CSNK1G1: variants seen among roughly 807,000 people sequenced by gnomAD.
CSNK1G1 encodes the protein casein kinase 1 gamma 1.
CSNK1G1 carries 22 observed loss-of-function variants against 59.6 expected under a neutral mutation model. The observed-to-expected ratio is 0.37, with a 90% CI of 0.26 to 0.53. The LOEUF is 0.53. Ranked by LOEUF, CSNK1G1 falls within the 20% of genes least tolerant of loss-of-function variation. The pLI is 0.89. For missense variants in CSNK1G1, 384 were observed against 519.5 expected (o/e 0.74, Z 2.54); for synonymous variants, 179 against 177.1 (o/e 1.01, Z -0.08).
chr15:64,299,248 C>T (rs961659308), intron 2 of CSNK1G1, among the ~76,000 whole-genome samples: 1 of 152,066 alleles, frequency 6.6e-6, no homozygotes, highest in African/African-American at 2.4e-5. Context: ...TATATTTATA[C>T]GGCCTTTTAT....
intron 1 of CSNK1G1, among the ~76,000 whole-genome samples, chr15:64,310,668 G>A (rs922543977): frequency 6.6e-6 from 1 of 152,002 alleles, no homozygotes; most frequent in African/African-American, 2.4e-5. Context: ...AGTGAGCTAT[G>A]ATTGTGCTAC....
At position 64,281,131 on chromosome 15, in the gene CSNK1G1, G is replaced by A. The variant is rs569532252; in HGVS notation, c.181+19188C>T. ...CCTGACCTCATGATCCGCCTGCCTC[G>A]GCGTCCCAAAGTGCTAGGATTACAG... On this transcript the variant is annotated intron_variant, in intron 2 of 11. Transcript: ENST00000303052. Among the ~76,000 whole-genome samples the A allele has an allele frequency of 1.6e-3, 237 of 152,226 alleles. 1 individual carries two copies. The highest frequency in any genetic ancestry group is 5.3e-3 in the African/African-American group (222 of 41,540).
chr15:64,249,576 A>C (rs1891959637), intron 4 of CSNK1G1, among the ~76,000 whole-genome samples: 1 of 152,214 alleles, frequency 6.6e-6, no homozygotes, highest in Non-Finnish European at 1.5e-5. Flanking sequence ...CCTGACTATG[A>C]GTCAACAGTT....
In CSNK1G1 at chr15:64,188,874, T is replaced by C. The variant is rs960407237; in HGVS notation, c.1108-8420A>G. On this transcript the variant is annotated intron_variant, in intron 10 of 11. Transcript: ENST00000303052. The surrounding 1 kb of genome is among the most constrained non-coding windows in gnomAD (Gnocchi z 4.2). The stretch of plus-strand genomic sequence containing the variant: ...TCGGAGTGGTGGCATACGCCTATAA[T>C]CTCAGCACTTTGGGAGGCCAAGGTG... Among the ~76,000 whole-genome samples, 3 of 152,170 alleles carry C rather than the reference T, an allele frequency of 2.0e-5. No homozygotes were observed. The highest frequency in any genetic ancestry group is 7.2e-5 in the African/African-American group (3 of 41,454).
intron 2 of CSNK1G1, among the ~76,000 whole-genome samples, chr15:64,282,883 T>C (rs1036932807): frequency 1.3e-5 from 2 of 152,214 alleles, no homozygotes; most frequent in South Asian, 4.1e-4. Flanking sequence ...TTGATATGCA[T>C]TTCCCCAATG....
At chr15:64,290,369 G>A (rs755584026) in intron 2 of CSNK1G1, among the ~76,000 whole-genome samples, 10 of 151,566 alleles carry the variant, frequency 6.6e-5, no homozygotes, top group Non-Finnish European at 1.2e-4. Context: ...CACACAGGCA[G>A]ACAGGCAATG....
chr15:64,314,072 A>G (rs1896140406), intron 1 of CSNK1G1, among the ~76,000 whole-genome samples: 1 of 152,134 alleles, frequency 6.6e-6, no homozygotes, highest in South Asian at 2.1e-4. Context: ...GATCTGCTAA[A>G]CTAAGGATTA....
chr15:64,215,204 C>CTTTTT (rs11343127), intron 5 of CSNK1G1, among the ~76,000 whole-genome samples: 2 of 81,726 alleles, frequency 2.4e-5, no homozygotes, highest in African/African-American at 5.8e-5. Flanking sequence ...TTTCTACTAA[C>CTTTTT]TTTTTTTTTT....
chr15:64,198,605 C>T (rs1196831146), intron 10 of CSNK1G1, among the ~76,000 whole-genome samples: 1 of 151,948 alleles, frequency 6.6e-6, no homozygotes, highest in African/African-American at 2.4e-5. Flanking sequence ...ACCTGTCAAT[C>T]TCGCTCAAGG....
chr15:64,335,293 T>G (rs1232914186), intron 1 of CSNK1G1, among the ~76,000 whole-genome samples: 1 of 152,024 alleles, frequency 6.6e-6, no homozygotes, highest in Non-Finnish European at 1.5e-5. Flanking sequence ...TCAAGGAAAA[T>G]AAATAATAAA....
At chr15:64,289,518 C>T (rs1894619368) in intron 2 of CSNK1G1, among the ~76,000 whole-genome samples, 1 of 152,068 alleles carries the variant, frequency 6.6e-6, no homozygotes, top group South Asian at 2.1e-4. Context: ...AAACAAGAAT[C>T]TCATATACAT....
chr15:64,205,055 G>T, intron 7 of CSNK1G1, 106 bp from the exon 8 acceptor site: 1 of 620,310 alleles, frequency 1.6e-6, no homozygotes, highest in South Asian at 2.3e-5. Context: ...CGCAGTATTT[G>T]TTGGTCTTGA....
At chr15:64,250,997 T>C (rs1892048784) in intron 4 of CSNK1G1, among the ~76,000 whole-genome samples, 1 of 152,176 alleles carries the variant, frequency 6.6e-6, no homozygotes, top group African/African-American at 2.4e-5. Flanking sequence ...TTTTTTACAG[T>C]GATTAACTTA....
At chr15:64,243,753 C>T (rs1891600361) in intron 4 of CSNK1G1, among the ~76,000 whole-genome samples, 2 of 152,248 alleles carry the variant, frequency 1.3e-5, no homozygotes, top group South Asian at 2.1e-4. Flanking sequence ...GCCTGTAGTC[C>T]CATCTACTCA....
At chr15:64,291,470 C>T (rs1192115994) in intron 2 of CSNK1G1, among the ~76,000 whole-genome samples, 2 of 152,084 alleles carry the variant, frequency 1.3e-5, no homozygotes, top group African/African-American at 4.8e-5. Context: ...CACCTGTAAT[C>T]CCAGCTACTC....
At chr15:64,342,547 A>C (rs964632144) in intron 1 of CSNK1G1, 8 of 152,184 alleles carry the variant, frequency 5.3e-5, no homozygotes, top group African/African-American at 1.9e-4. Flanking sequence ...ATTTACCTTG[A>C]ATACATACAG....
chr15:64,322,769 C>A (rs532377667), intron 1 of CSNK1G1, among the ~76,000 whole-genome samples: 2 of 152,076 alleles, frequency 1.3e-5, no homozygotes, highest in East Asian at 1.9e-4. Flanking sequence ...GGAGGCAGAG[C>A]CTGGAGTGAG....
In CSNK1G1 at chr15:64,216,632, A is replaced by G; in HGVS notation, c.374T>C (p.Leu125Ser). 1 of 1,613,972 alleles carries G rather than the reference A, an allele frequency of 6.2e-7. No homozygotes were observed. Among genetic ancestry groups the G allele is most frequent in the Non-Finnish European group, 8.5e-7 (1 of 1,179,864 alleles). The change falls in exon 5 of 12, where the codon TTG becomes TCG. Residue 125 changes from leucine (L) to serine (S), a missense_variant. Physicochemically the swap from Leu to Ser is moderately radical, Grantham distance 145 (BLOSUM62 -2). This residue lies in a region of CSNK1G1 where 325 missense variants were observed against 440.9 expected (regional missense o/e 0.74). Transcript: ENST00000303052. This position sits in a 1 kb window ranked among gnomAD's most constrained non-coding sequence, Gnocchi z 4.6. ...AMVLELLGPSLEDLFDLCDRT... is the reference protein window; with the variant it reads ...AMVLELLGPSSEDLFDLCDRT... ...GTCACAGAGGTCAAACAAGTCCTCC[A>G]AGCTAGGGCCAAGGAGCTCCAGCAC...
At chr15:64,291,417 T>A (rs934562664) in intron 2 of CSNK1G1, among the ~76,000 whole-genome samples, 1 of 152,044 alleles carries the variant, frequency 6.6e-6, no homozygotes, top group Non-Finnish European at 1.5e-5. Context: ...TGAAACCCCA[T>A]CTTTACTAAA....
Sources: allele counts gnomAD v4.1 joint callset (sites outside exome capture counted in the v4.1 genomes callset), GRCh38; gene constraint gnomAD v4.1.1; regional missense constraint gnomAD v4.1.1; non-coding constraint Gnocchi (gnomAD v3.1); transcripts MANE v1.5; gene names NCBI Gene and HGNC (gene_info 2026-07-23, HGNC 2026-07-21).